ZMAT4: variants seen among roughly 807,000 people sequenced by gnomAD.
The protein encoded by ZMAT4 is zinc finger matrin-type protein 4.
A neutral mutation model predicts 28.7 loss-of-function variants in ZMAT4; 17 were observed. The ratio of observed to expected loss-of-function variants is 0.59; its 90% confidence interval spans 0.41 to 0.89. The LOEUF (loss-of-function observed/expected upper bound fraction) is 0.89. ZMAT4 is among the 40% of genes least tolerant of loss of function. The pLI, the probability that ZMAT4 is intolerant of heterozygous loss-of-function variation, is 0.00. For missense variants in ZMAT4, 240 were observed against 283.8 expected, an observed-to-expected ratio of 0.85 and a Z score of 1.11; for synonymous variants, 117 against 109.2, an observed-to-expected ratio of 1.07 and a Z score of -0.44.
intron 6 of ZMAT4, among the ~76,000 whole-genome samples, chr8:40,562,542 C>T (rs1408324939): frequency 6.6e-6 from 1 of 152,150 alleles, no homozygotes; most frequent in Non-Finnish European, 1.5e-5. Context: ...AACAGCTACA[C>T]ATCACCCTCC....
intron 4 of ZMAT4, among the ~76,000 whole-genome samples, chr8:40,677,242 C>T (rs1808950140): frequency 6.6e-6 from 1 of 151,878 alleles, no homozygotes; most frequent in Non-Finnish European, 1.5e-5. Context: ...TTTGATGTAG[C>T]TTCTCCCTCT....
intron 6 of ZMAT4, among the ~76,000 whole-genome samples, chr8:40,548,661 T>C (rs570442034): frequency 6.6e-6 from 1 of 152,274 alleles, no homozygotes; most frequent in Admixed American, 6.5e-5. Flanking sequence ...ATAAGGGGGT[T>C]CTTGAACAAT....
At chr8:40,719,231 G>T (rs1049377036) in intron 3 of ZMAT4, among the ~76,000 whole-genome samples, 1 of 152,102 alleles carries the variant, frequency 6.6e-6, no homozygotes, top group Non-Finnish European at 1.5e-5. Context: ...ATGAGGTCAG[G>T]AGTTCAAGAC....
At chr8:40,757,352 C>T (rs1425005203) in intron 3 of ZMAT4, among the ~76,000 whole-genome samples, 1 of 152,124 alleles carries the variant, frequency 6.6e-6, no homozygotes, top group Non-Finnish European at 1.5e-5. Flanking sequence ...TGAGCATCCA[C>T]TGTACACACA....
chr8:40,854,243 G>A (rs934311935), intron 1 of ZMAT4, among the ~76,000 whole-genome samples: 2 of 152,098 alleles, frequency 1.3e-5, no homozygotes, highest in South Asian at 2.1e-4. Context: ...AGTGGTCTAC[G>A]GACCTTATGT....
intron 1 of ZMAT4, among the ~76,000 whole-genome samples, chr8:40,840,164 C>G (rs140063914): frequency 8.5e-5 from 13 of 152,302 alleles, no homozygotes; most frequent in Non-Finnish European, 1.3e-4. Context: ...ACAGTTGGCA[C>G]TCAGCCTTCA....
At chr8:40,642,380 AT>A (rs1807073665) in intron 5 of ZMAT4, among the ~76,000 whole-genome samples, 1 of 152,202 alleles carries the variant, frequency 6.6e-6, no homozygotes, top group South Asian at 2.1e-4. Flanking sequence ...ATAATTAAAC[AT>A]TTAGTCTTCC....
chr8:40,559,972 G>A (rs2118461022), intron 6 of ZMAT4, among the ~76,000 whole-genome samples: 1 of 152,138 alleles, frequency 6.6e-6, no homozygotes, highest in East Asian at 1.9e-4. Context: ...AAACCGCAGA[G>A]GAGATACTGG....
At chr8:40,745,380 CAAGT>C (rs1158286195) in intron 3 of ZMAT4, among the ~76,000 whole-genome samples, 1 of 152,128 alleles carries the variant, frequency 6.6e-6, no homozygotes, top group Admixed American at 6.6e-5. Flanking sequence ...AAACTACAAG[CAAGT>C]AATTCAAGTA....
chr8:40,691,610 T>C (rs1228642018), intron 4 of ZMAT4, among the ~76,000 whole-genome samples: 3 of 152,204 alleles, frequency 2.0e-5, no homozygotes, highest in Non-Finnish European at 4.4e-5. Flanking sequence ...GATTCATAAA[T>C]ACAGAATCCT....
chr8:40,610,502 A>C (rs1008881441), intron 5 of ZMAT4, among the ~76,000 whole-genome samples: 1 of 151,848 alleles, frequency 6.6e-6, no homozygotes, highest in Non-Finnish European at 1.5e-5. Context: ...ACCAAATTCT[A>C]TATATATATA....
intron 1 of ZMAT4, among the ~76,000 whole-genome samples, chr8:40,894,069 G>A (rs938567467): frequency 1.3e-5 from 2 of 152,236 alleles, no homozygotes; most frequent in African/African-American, 4.8e-5. Flanking sequence ...GAGCACAGCA[G>A]GCAAATTTCC....
rs148816990 is a variant in ZMAT4 at position 40,886,687 on chromosome 8, G to C, written c.-5+10996C>G. ...TGTTGCTGTGCCATGAGCTGCTCCC[G>C]AATTTCTGAACATCCCTCCTGGGTT... On this transcript the variant is annotated intron_variant, in intron 1 of 6. Coordinates refer to ENST00000297737, the MANE Select transcript of ZMAT4 (RefSeq NM_024645.3). Among the ~76,000 whole-genome samples the C allele has an allele frequency of 1.0e-3, 157 of 152,264 alleles. 1 individual carries two copies. The highest frequency in any genetic ancestry group is 3.5e-3 in the African/African-American group (146 of 41,556).
chr8:40,737,214 C>G (rs992506495), intron 3 of ZMAT4, among the ~76,000 whole-genome samples: 2 of 151,702 alleles, frequency 1.3e-5, no homozygotes, highest in Admixed American at 6.6e-5. Context: ...ATTTTTTTTG[C>G]GATTTTTTTT....
At chr8:40,860,666 C>A (rs1461302896) in intron 1 of ZMAT4, among the ~76,000 whole-genome samples, 2 of 152,214 alleles carry the variant, frequency 1.3e-5, no homozygotes, top group Non-Finnish European at 2.9e-5. Context: ...AGACCACATA[C>A]TACATGTCTC....
intron 6 of ZMAT4, among the ~76,000 whole-genome samples, chr8:40,576,532 A>G (rs1318921900): frequency 1.0e-5 from 1 of 97,174 alleles, no homozygotes; most frequent in Non-Finnish European, 1.8e-5. Flanking sequence ...GGCTGAAAGG[A>G]AAAAAAAAAA....
Position 40,697,278 on chromosome 8 carries a change from A to C in ZMAT4, c.316T>G (p.Leu106Val). 1 of 1,613,230 alleles carries C rather than the reference A, an allele frequency of 6.2e-7. No individual in the cohort carries two copies. The highest frequency in any genetic ancestry group is 2.2e-5 in the East Asian group (1 of 44,832). ...GKIHAKRLKL[L>V]LGEKTPLKTT... ...TTTAATGGGGTCTTCTCTCCTAGCAAGAGTTTTAACCTCTTGGCGTGGATT... is the reference window on the plus strand; with the variant it reads ...TTTAATGGGGTCTTCTCTCCTAGCACGAGTTTTAACCTCTTGGCGTGGATT... Residue 106 changes from leucine to valine, a missense_variant, in exon 4 of 7, where the codon TTG (leucine) becomes GTG (valine). By Grantham distance (32) the Leu-to-Val change is conservative. Transcript: ENST00000297737.
chr8:40,619,016 A>G (rs1806111636), intron 5 of ZMAT4, among the ~76,000 whole-genome samples: 1 of 152,214 alleles, frequency 6.6e-6, no homozygotes, highest in Admixed American at 6.5e-5. Flanking sequence ...TAAAGGAGTT[A>G]ATGTTTTGGA....
At chr8:40,680,112 C>A (rs1809091796) in intron 4 of ZMAT4, among the ~76,000 whole-genome samples, 1 of 152,180 alleles carries the variant, frequency 6.6e-6, no homozygotes, top group African/African-American at 2.4e-5. Flanking sequence ...TTGGATTCAA[C>A]TAAATATATT....
Sources: allele counts gnomAD v4.1 joint callset (sites outside exome capture counted in the v4.1 genomes callset), GRCh38; gene constraint gnomAD v4.1.1; transcripts MANE v1.5; gene names NCBI Gene and HGNC (gene_info 2026-07-23, HGNC 2026-07-21).